The following ADARB1 variants were observed in gnomAD, a reference collection of about 807,000 sequenced individuals.
ADARB1 encodes the protein adenosine deaminase RNA specific B1, also known as double-stranded RNA-specific editase 1.
In ADARB1, 10 loss-of-function variants were observed where a neutral mutation model predicts 52.4. That is an observed-to-expected ratio of 0.19 (90% CI 0.12 to 0.32). The LOEUF (loss-of-function observed/expected upper bound fraction) is 0.32, where lower values mean the gene tolerates loss of function less well. ADARB1 is among the 10% of genes least tolerant of loss of function. ADARB1 has a pLI of 1.00. For missense variants in ADARB1, 643 were observed against 922.3 expected (o/e 0.70, Z 3.92); for synonymous variants, 349 against 371.1 (o/e 0.94, Z 0.68).
chr21:45,180,561 T>G (rs2091894029), intron 5 of ADARB1, 117 bp downstream of exon 5: 1 of 836,656 alleles, frequency 1.2e-6, no homozygotes, highest in Non-Finnish European at 2.0e-6. Flanking sequence ...ACTTCTTTTC[T>G]TCTTCAAAAT....
chr21:45,225,785 C>T lies in ADARB1; in HGVS notation c.*3588C>T. ...AATTCTGTAAAATTATAGACTTGCT[C>T]AAAAGATTCCTTTTTATCATCCCCA... On this transcript the variant is annotated 3_prime_UTR_variant, in exon 11 of 11. Transcript: ENST00000348831. The T allele has an allele frequency of 2.5e-6, 1 of 396,420 alleles. No homozygotes were observed. 24.6% of individuals were successfully genotyped at this position (396,420 alleles called of 1,614,324 possible). A position where few individuals can be genotyped will look rare whatever the true frequency, so the allele number is the denominator to read the frequency against.
At chr21:45,113,413 A>T (rs1248839745) in intron 1 of ADARB1, among the ~76,000 whole-genome samples, 2 of 151,834 alleles carry the variant, frequency 1.3e-5, no homozygotes, top group African/African-American at 2.4e-5. Context: ...ACAGAGCAAG[A>T]CTCTGTCTCA....
In ADARB1 at chr21:45,100,655, T is replaced by G. The variant is rs2086960821; in HGVS notation, c.-220+25862T>G. The G allele has an allele frequency of 2.0e-5, 3 of 152,284 alleles. No homozygotes were observed. In the South Asian group the frequency reaches 6.2e-4, roughly 31 times the overall value. The allele number at this position is 152,284 out of a possible 1,614,324, so 9.4% of individuals were successfully genotyped here. A position where few individuals can be genotyped will look rare whatever the true frequency, so the allele number is the denominator to read the frequency against. On this transcript the variant is annotated intron_variant, in intron 1 of 10. Transcript: ENST00000348831. ...GGAATCCCTGGAGGTGAAACCTCGG[T>G]GTCCGGTTGCTCCAAACCAGTGCTG... is the stretch of plus-strand genomic sequence containing the variant.
At chr21:45,191,932 CCT>C (rs2092313031) in intron 8 of ADARB1, among the ~76,000 whole-genome samples, 1 of 131,502 alleles carries the variant, frequency 7.6e-6, no homozygotes, top group African/African-American at 3.0e-5. Context: ...TCATGGTCAT[CCT>C]CATCATTTTG....
intron 1 of ADARB1, among the ~76,000 whole-genome samples, chr21:45,107,254 G>C (rs189516017): frequency 1.3e-5 from 2 of 152,166 alleles, no homozygotes; most frequent in Non-Finnish European, 2.9e-5. Context: ...CCTTGTTCTC[G>C]GTTAAGATGG....
intron 9 of ADARB1, among the ~76,000 whole-genome samples, chr21:45,206,934 C>G (rs1025887910): frequency 2.0e-5 from 3 of 152,214 alleles, no homozygotes; most frequent in Admixed American, 2.0e-4. Context: ...CTGGTCCCCG[C>G]TGCAGGGGGC....
intron 8 of ADARB1, among the ~76,000 whole-genome samples, chr21:45,197,913 C>T (rs994465757): frequency 6.6e-6 from 1 of 152,012 alleles, no homozygotes; most frequent in South Asian, 2.1e-4. Flanking sequence ...CTAGTGGGGA[C>T]AGAACGAGAT....
chr21:45,197,053 A>G (rs1435705614), intron 8 of ADARB1, among the ~76,000 whole-genome samples: 1 of 152,100 alleles, frequency 6.6e-6, no homozygotes, highest in Non-Finnish European at 1.5e-5. Flanking sequence ...TTAGCCAGGC[A>G]TGGAATCCCG....
intron 1 of ADARB1, among the ~76,000 whole-genome samples, chr21:45,078,323 C>A (rs1409341812): frequency 1.3e-5 from 2 of 152,210 alleles, no homozygotes; most frequent in African/African-American, 2.4e-5. Context: ...CAGGCATTCA[C>A]CCATGCATCC....
At chr21:45,081,267 T>C (rs2086139027) in intron 1 of ADARB1, among the ~76,000 whole-genome samples, 1 of 152,138 alleles carries the variant, frequency 6.6e-6, no homozygotes. Flanking sequence ...GTGGAGAAAC[T>C]AAACAGATCA....
At chr21:45,163,659 C>T (rs2146055441) in intron 2 of ADARB1, among the ~76,000 whole-genome samples, 1 of 152,372 alleles carries the variant, frequency 6.6e-6, no homozygotes, top group Admixed American at 6.5e-5. Flanking sequence ...GAGCCTTGTG[C>T]AGTTTCACCA....
chr21:45,211,464 T>A (rs1056589022), intron 9 of ADARB1, among the ~76,000 whole-genome samples: 7 of 152,198 alleles, frequency 4.6e-5, no homozygotes, highest in African/African-American at 1.7e-4. Flanking sequence ...TTTTCCTTGA[T>A]CCACTAATGA....
intron 9 of ADARB1, among the ~76,000 whole-genome samples, chr21:45,216,441 A>C (rs2092864619): frequency 6.6e-6 from 1 of 152,090 alleles, no homozygotes. Flanking sequence ...GTAGCATTTA[A>C]AAATTATGAT....
chr21:45,166,504 G>A (rs1315937459), intron 2 of ADARB1, among the ~76,000 whole-genome samples: 1 of 152,214 alleles, frequency 6.6e-6, no homozygotes, highest in Admixed American at 6.5e-5. Flanking sequence ...GTGTCTGGAT[G>A]TGTTGTGTCT....
intron 2 of ADARB1, among the ~76,000 whole-genome samples, chr21:45,143,347 C>A (rs978873684): frequency 3.3e-5 from 5 of 152,228 alleles, no homozygotes; most frequent in Non-Finnish European, 4.4e-5. Flanking sequence ...CATTCCCTTG[C>A]CTTGCCATAA....
At chr21:45,160,235 A>C (rs1031836914) in intron 2 of ADARB1, among the ~76,000 whole-genome samples, 1 of 152,196 alleles carries the variant, frequency 6.6e-6, no homozygotes, top group African/African-American at 2.4e-5. Flanking sequence ...TAACTGAAGG[A>C]ATTAACCTCC....
At chr21:45,150,829 A>G (rs1054722496) in intron 2 of ADARB1, among the ~76,000 whole-genome samples, 3 of 152,228 alleles carry the variant, frequency 2.0e-5, no homozygotes, top group African/African-American at 7.2e-5. Flanking sequence ...TGTCTGATCC[A>G]TGTCCAGGTT....
rs983157319 is a variant in ADARB1 at position 45,200,384 on chromosome 21, C to T, written c.1566-4171C>T. Among the ~76,000 whole-genome samples, 3 of 152,136 alleles carry T rather than the reference C, an allele frequency of 2.0e-5. No individual in the cohort carries two copies. Among genetic ancestry groups the T allele is most frequent in the Non-Finnish European group, 2.9e-5 (2 of 68,018 alleles). On this transcript the variant is annotated intron_variant, in intron 8 of 10. Coordinates refer to ENST00000348831, the MANE Select transcript of ADARB1 (RefSeq NM_001112.4). This position sits in a 1 kb window ranked among gnomAD's most constrained non-coding sequence, Gnocchi z 5.0. ...CCACCCCACGGTGATTATGTTGGCG[C>T]GGGAGCCGTGGGAAGGAACGAGAGT...
In ADARB1 at chr21:45,144,710, AT is replaced by A. The variant is rs759568753; in HGVS notation, c.-48+16138del. On this transcript the variant is annotated intron_variant, in intron 2 of 10. Coordinates refer to ENST00000348831, the MANE Select transcript of ADARB1 (RefSeq NM_001112.4). ...GCATTGCTTCAACTCTGGTAACTTC[AT>A]GTGAAATGACTACAAAATGAATTAA... 981 of 441,838 alleles carry A rather than the reference AT, an allele frequency of 2.2e-3. 10 individuals carry two copies. The highest frequency in any genetic ancestry group is 2.6e-3 in the Non-Finnish European group (583 of 220,500). The allele number at this position is 441,838 out of a possible 1,614,324, so 27.4% of individuals were successfully genotyped here. A position where few individuals can be genotyped will look rare whatever the true frequency, so the allele number is the denominator to read the frequency against.
Sources: allele counts gnomAD v4.1 joint callset (sites outside exome capture counted in the v4.1 genomes callset), GRCh38; gene constraint gnomAD v4.1.1; non-coding constraint Gnocchi (gnomAD v3.1); transcripts MANE v1.5; gene names NCBI Gene and HGNC (gene_info 2026-07-23, HGNC 2026-07-21).